GRM1: variants seen among roughly 807,000 people sequenced by gnomAD.
The protein encoded by GRM1 is metabotropic glutamate receptor 1.
In GRM1, 33 loss-of-function variants were observed where a neutral mutation model predicts 90.9. The ratio of observed to expected loss-of-function variants is 0.36; its 90% CI spans 0.28 to 0.49. The LOEUF (loss-of-function observed/expected upper bound fraction) is 0.49, where lower values mean the gene tolerates loss of function less well. Ranked by LOEUF, GRM1 falls within the 20% of genes least tolerant of loss-of-function variation. The probability of loss-of-function intolerance (pLI) is 0.99; values close to 1 mark genes in which losing one functional copy is unlikely to be tolerated. For synonymous variants in GRM1, 700 were observed against 613.2 expected (o/e 1.14, Z -2.09); for missense variants, 1,190 against 1,534.3 (o/e 0.78, Z 3.75).
intron 2 of GRM1, among the ~76,000 whole-genome samples, chr6:146,266,672 G>A (rs1554289047): frequency 6.6e-6 from 1 of 152,184 alleles, no homozygotes; most frequent in Non-Finnish European, 1.5e-5. Context: ...TTTGTAACTT[G>A]TTCAAACTTG....
At chr6:146,318,502 C>T (rs1049291367) in intron 3 of GRM1, among the ~76,000 whole-genome samples, 1 of 152,100 alleles carries the variant, frequency 6.6e-6, no homozygotes, top group African/African-American at 2.4e-5. Flanking sequence ...CATTTATAAT[C>T]CTTTGGGTAT....
At chr6:146,265,463 C>T (rs993561095) in intron 2 of GRM1, among the ~76,000 whole-genome samples, 10 of 152,128 alleles carry the variant, frequency 6.6e-5, no homozygotes, top group Non-Finnish European at 1.2e-4. Context: ...CAAATATTTT[C>T]TCCCATTCTG....
At chr6:146,335,151 T>G (rs1784724997) in intron 3 of GRM1, among the ~76,000 whole-genome samples, 1 of 152,156 alleles carries the variant, frequency 6.6e-6, no homozygotes, top group Non-Finnish European at 1.5e-5. Flanking sequence ...ACAAATGAAA[T>G]CTGCAGCCTC....
At chr6:146,432,810 T>C (rs1201806733) in intron 7 of GRM1, among the ~76,000 whole-genome samples, 1 of 152,220 alleles carries the variant, frequency 6.6e-6, no homozygotes, top group Non-Finnish European at 1.5e-5. Flanking sequence ...TCAGAGTTAT[T>C]ACAATAGACA....
At chr6:146,246,882 A>C (rs1781077761) in intron 2 of GRM1, among the ~76,000 whole-genome samples, 1 of 152,180 alleles carries the variant, frequency 6.6e-6, no homozygotes, top group African/African-American at 2.4e-5. Context: ...CTTGATATAC[A>C]TTGTAGTTTG....
At chr6:146,129,659 G>T (rs1178403309) in intron 1 of GRM1, among the ~76,000 whole-genome samples, 1 of 152,176 alleles carries the variant, frequency 6.6e-6, no homozygotes, top group Non-Finnish European at 1.5e-5. Flanking sequence ...GAGATAGAAG[G>T]TTGTGATTTG....
intron 1 of GRM1, among the ~76,000 whole-genome samples, chr6:146,084,956 C>A (rs1776491010): frequency 6.6e-6 from 1 of 152,104 alleles, no homozygotes; most frequent in South Asian, 2.1e-4. Context: ...CAGGATTATA[C>A]AAAACTGTAC....
chr6:146,196,635 A>G (rs1779134356), intron 2 of GRM1, among the ~76,000 whole-genome samples: 1 of 151,856 alleles, frequency 6.6e-6, no homozygotes, highest in African/African-American at 2.4e-5. Context: ...TGATCCCTTT[A>G]AGGGGACCCA....
rs145012684 is a variant in GRM1, at chr6:146,212,287, A to G, written c.950+52690A>G. ...GAAGACCATCACAACATGTCAGCATATAACTGATCCATGTGAATAGCAAAT... is the reference window on the plus strand; with the variant it reads ...GAAGACCATCACAACATGTCAGCATGTAACTGATCCATGTGAATAGCAAAT... On this transcript the variant is annotated intron_variant, in intron 2 of 7. Coordinates refer to ENST00000282753, the MANE Select transcript of GRM1 (RefSeq NM_001278064.2). 2.5e-4 allele frequency among the ~76,000 whole-genome samples: 38 copies of G among 152,370 alleles called. 2 individuals carry two copies. The East Asian group carries it at 6.7e-3, about 27-fold the overall frequency.
intron 5 of GRM1, among the ~76,000 whole-genome samples, chr6:146,375,572 G>C (rs751941706): frequency 4.6e-5 from 7 of 151,842 alleles, no homozygotes; most frequent in Non-Finnish European, 7.4e-5. Context: ...CTATCTAGGT[G>C]CTCCAGTATT....
intron 3 of GRM1, among the ~76,000 whole-genome samples, chr6:146,329,487 A>G (rs1415513551): frequency 1.3e-5 from 2 of 152,140 alleles, no homozygotes; most frequent in African/African-American, 4.8e-5. Flanking sequence ...GTGTTGCGAG[A>G]GATTGGATAT....
chr6:146,252,062 A>G (rs745705261), intron 2 of GRM1, among the ~76,000 whole-genome samples: 1 of 152,142 alleles, frequency 6.6e-6, no homozygotes, highest in Non-Finnish European at 1.5e-5. Context: ...CTAAGAAGTT[A>G]TCACTATCTA....
chr6:146,203,157 T>G (rs534822466), intron 2 of GRM1, among the ~76,000 whole-genome samples: 57 of 151,622 alleles, frequency 3.8e-4, no homozygotes, highest in East Asian at 2.7e-3. Context: ...TAGCGCCACA[T>G]CACTCCAGCC....
At chr6:146,229,199 G>A (rs983640644) in intron 2 of GRM1, among the ~76,000 whole-genome samples, 2 of 151,598 alleles carry the variant, frequency 1.3e-5, no homozygotes, top group African/African-American at 4.9e-5. Context: ...GGTCAGGCTG[G>A]TATTGAACTC....
intron 2 of GRM1, among the ~76,000 whole-genome samples, chr6:146,207,469 T>A (rs1297573040): frequency 1.3e-5 from 2 of 152,212 alleles, no homozygotes; most frequent in East Asian, 3.8e-4. Context: ...TTTGTTTAAG[T>A]TTCTTATAGA....
intron 1 of GRM1, among the ~76,000 whole-genome samples, chr6:146,158,858 G>A (rs888785066): frequency 3.9e-5 from 6 of 152,150 alleles, no homozygotes; most frequent in Non-Finnish European, 7.4e-5. Flanking sequence ...CTCTGGCCTG[G>A]CCAGGTGTTC....
chr6:146,376,433 C>A (rs1281269788), intron 5 of GRM1, among the ~76,000 whole-genome samples: 2 of 152,026 alleles, frequency 1.3e-5, no homozygotes, highest in Non-Finnish European at 2.9e-5. Flanking sequence ...GAAGTACTCC[C>A]TTAAGTATTT....
intron 1 of GRM1, among the ~76,000 whole-genome samples, chr6:146,030,896 T>C (rs574446611): frequency 2.7e-4 from 41 of 152,360 alleles, no homozygotes; most frequent in African/African-American, 9.4e-4. Flanking sequence ...CCAAGAATTA[T>C]CTTGTTTTAT....
chr6:146,381,190 G>A (rs1390349639), intron 5 of GRM1, among the ~76,000 whole-genome samples: 1 of 152,146 alleles, frequency 6.6e-6, no homozygotes, highest in Admixed American at 6.5e-5. Flanking sequence ...TTCAGCCCTA[G>A]GACTCACCTA....
Sources: gnomAD v4.1 joint callset for allele counts (sites outside exome capture counted in the v4.1 genomes callset) on GRCh38, gnomAD v4.1.1 for gene constraint, MANE v1.5 for transcripts, NCBI Gene and HGNC (gene_info 2026-07-23, HGNC 2026-07-21) for gene names.